The following DHCR24 variants were observed in gnomAD, a reference collection of about 807,000 sequenced individuals.
The protein encoded by DHCR24 is 24-dehydrocholesterol reductase.
A neutral mutation model predicts 61.2 loss-of-function variants in DHCR24; 28 were observed. That is an observed-to-expected ratio of 0.46 (90% CI 0.34 to 0.63). The LOEUF (loss-of-function observed/expected upper bound fraction) is 0.63, where lower values mean the gene tolerates loss of function less well. DHCR24 is among the 20% of genes least tolerant of loss of function. The pLI, the probability that DHCR24 is intolerant of heterozygous loss-of-function variation, is 0.01. For missense variants in DHCR24, 538 were observed against 679.1 expected (o/e 0.79, Z 2.31); for synonymous variants, 261 against 275.9 (o/e 0.95, Z 0.54).
Position 54,868,493 on chromosome 1 carries a change from C to T in DHCR24, c.876+2857G>A, listed in dbSNP as rs544437916. Among the ~76,000 whole-genome samples the T allele has an allele frequency of 3.3e-5, 5 of 152,000 alleles. No homozygotes were observed. The South Asian group carries it at 1.0e-3, about 32-fold the overall frequency. ...TCAAAAAAAAACAAAAGATATTACT[C>T]AAATTACAGACAAAAGATGTTCATT... On this transcript the variant is annotated intron_variant, in intron 5 of 8. Transcript: ENST00000371269.
At chr1:54,858,024 G>A (rs936078935) in intron 6 of DHCR24, among the ~76,000 whole-genome samples, 1 of 152,228 alleles carries the variant, frequency 6.6e-6, no homozygotes, top group African/African-American at 2.4e-5. Flanking sequence ...CCGCCAATGG[G>A]AGGAGAAGAG....
intron 6 of DHCR24, among the ~76,000 whole-genome samples, chr1:54,863,028 T>C (rs1052117911): frequency 3.1e-5 from 4 of 129,206 alleles, no homozygotes; most frequent in East Asian, 4.6e-4. Flanking sequence ...GTGGGCGAAA[T>C]TGCGCCACTG....
At chr1:54,876,079 A>C in intron 2 of DHCR24, 32 bp from the exon 3 acceptor site, 1 of 1,584,028 alleles carries the variant, frequency 6.3e-7, no homozygotes. Context: ...CCCTGGGTCA[A>C]AAGGAGGCTG....
intron 1 of DHCR24, among the ~76,000 whole-genome samples, chr1:54,884,807 C>CT (rs1647084011): frequency 1.3e-5 from 2 of 152,164 alleles, no homozygotes; most frequent in South Asian, 2.1e-4. Context: ...AGGACAGCCA[C>CT]TCTCTCTTTA....
At chr1:54,873,275 A>C (rs1647009049) in intron 4 of DHCR24, among the ~76,000 whole-genome samples, 1 of 152,120 alleles carries the variant, frequency 6.6e-6, no homozygotes, top group Non-Finnish European at 1.5e-5. Context: ...TGTCATACTC[A>C]TGTGTTTATG....
At chr1:54,868,266 C>T (rs1375422928) in intron 5 of DHCR24, among the ~76,000 whole-genome samples, 2 of 151,978 alleles carry the variant, frequency 1.3e-5, no homozygotes, top group African/African-American at 4.8e-5. Flanking sequence ...GTCAGGAGAT[C>T]GAGACAATCC....
chr1:54,883,611 C>A lies in DHCR24; in HGVS notation c.387+7G>T. On this transcript the variant is annotated splice_region_variant and intron_variant, in intron 2 of 8. Transcript: ENST00000371269. This position sits in a 1 kb window ranked among gnomAD's most constrained non-coding sequence, Gnocchi z 4.3. ...GCTCCCAGAGCCCGGAAAAGTGCTA[C>A]TCTCACCTGTTTCTTGGTGTCCACT... is the stretch of plus-strand genomic sequence containing the variant. 1 of 1,614,222 alleles carries A rather than the reference C, an allele frequency of 6.2e-7. No homozygotes were observed. Among genetic ancestry groups the A allele is most frequent in the East Asian group, 2.2e-5 (1 of 44,886 alleles).
intron 5 of DHCR24, among the ~76,000 whole-genome samples, chr1:54,870,840 TAAGCACAAATCCTTTCCAAGTCTCTTAC>T (rs1412883538): frequency 4.6e-5 from 2 of 43,872 alleles, no homozygotes; most frequent in African/African-American, 1.0e-4. Flanking sequence ...TCTCTTACAA[TAAGCACAAATCCTTTCCAAGTCTCTTAC>T]AATAAGCACA....
At chr1:54,882,893 T>C (rs1647072038) in intron 2 of DHCR24, among the ~76,000 whole-genome samples, 1 of 151,936 alleles carries the variant, frequency 6.6e-6, no homozygotes, top group Non-Finnish European at 1.5e-5. Context: ...CCAAGGAGCA[T>C]GAGGAGATTT....
intron 6 of DHCR24, among the ~76,000 whole-genome samples, chr1:54,856,997 C>T (rs1300492205): frequency 6.6e-6 from 1 of 151,444 alleles, no homozygotes; most frequent in Admixed American, 6.6e-5. Flanking sequence ...CTGAGTTAGA[C>T]TGTATCACAC....
At chr1:54,881,894 G>A (rs908616576) in intron 2 of DHCR24, among the ~76,000 whole-genome samples, 7 of 152,160 alleles carry the variant, frequency 4.6e-5, no homozygotes, top group Non-Finnish European at 1.0e-4. Context: ...AATACCGCAT[G>A]TTCTCACTTA....
chr1:54,870,184 T>C (rs1235858615), intron 5 of DHCR24, among the ~76,000 whole-genome samples: 1 of 151,278 alleles, frequency 6.6e-6, no homozygotes, highest in African/African-American at 2.4e-5. Context: ...ATCGTACCAC[T>C]GTACTCCAGT....
chr1:54,852,422 G>A (rs1177697579), intron 8 of DHCR24, 36 bp from the exon 9 acceptor site: 1 of 1,612,788 alleles, frequency 6.2e-7, no homozygotes. Flanking sequence ...GACGCCAGGA[G>A]GCACACGGAA....
chr1:54,868,442 C>G (rs1177338054), intron 5 of DHCR24, among the ~76,000 whole-genome samples: 1 of 151,730 alleles, frequency 6.6e-6, no homozygotes, highest in Non-Finnish European at 1.5e-5. Context: ...TGCACTCCAG[C>G]CTGGGTGACA....
rs573285056 is a variant in DHCR24, at chr1:54,879,352, A to AAAAAAAAG, written c.388-3306_388-3305insCTTTTTTT. On this transcript the variant is annotated intron_variant, in intron 2 of 8. Coordinates refer to ENST00000371269, the MANE Select transcript of DHCR24 (RefSeq NM_014762.4). ...AAAAAAAAAAAAAAAAAAAAAAAAA[A>AAAAAAAAG]TCCAAATCAAACTTCTGGAAATGAA... Among the ~76,000 whole-genome samples, 578 of 128,152 alleles carry AAAAAAAAG rather than the reference A, an allele frequency of 4.5e-3. 26 individuals carry two copies. The highest frequency in any genetic ancestry group is 6.1e-3 in the Non-Finnish European group (369 of 60,860). 84.1% of individuals were successfully genotyped at this position (128,152 alleles called of 152,430 possible).
At chr1:54,885,749 C>A (rs1445493961) in intron 1 of DHCR24, among the ~76,000 whole-genome samples, 1 of 152,074 alleles carries the variant, frequency 6.6e-6, no homozygotes, top group Non-Finnish European at 1.5e-5. Flanking sequence ...GGGCCACAGG[C>A]GAGTCACATA....
rs555560297 is a variant in DHCR24, at chr1:54,863,031, C to T, written c.1020+2272G>A. 2.1e-4 allele frequency among the ~76,000 whole-genome samples: 28 copies of T among 134,836 alleles called. No homozygotes were observed. In the South Asian group the frequency reaches 3.4e-3, roughly 16 times the overall value. The allele number at this position is 134,836 out of a possible 152,430, so 88.5% of individuals were successfully genotyped here. ...GCGGAGCATGCAGTGGGCGAAATTGCGCCACTGCACTCCAGCCTGGGTGAC... is the reference window on the plus strand; with the variant it reads ...GCGGAGCATGCAGTGGGCGAAATTGTGCCACTGCACTCCAGCCTGGGTGAC... On this transcript the variant is annotated intron_variant, in intron 6 of 8. Transcript: ENST00000371269.
chr1:54,853,211 AG>A (rs1235198082), intron 8 of DHCR24, among the ~76,000 whole-genome samples: 1 of 151,606 alleles, frequency 6.6e-6, no homozygotes, highest in Non-Finnish European at 1.5e-5. Flanking sequence ...TCACTGGAGG[AG>A]GGGGTGCAGG....
chr1:54,860,659 G>A (rs1379815829), intron 6 of DHCR24, among the ~76,000 whole-genome samples: 3 of 152,162 alleles, frequency 2.0e-5, no homozygotes, highest in South Asian at 2.1e-4. Context: ...TCCTTTCACC[G>A]GTTCCTGGAA....
Sources: gnomAD v4.1 joint callset for allele counts (sites outside exome capture counted in the v4.1 genomes callset) on GRCh38, gnomAD v4.1.1 for gene constraint, Gnocchi (gnomAD v3.1) non-coding constraint, MANE v1.5 for transcripts, NCBI Gene and HGNC (gene_info 2026-07-23, HGNC 2026-07-21) for gene names.